The following YWHAB variants were observed in gnomAD, a reference collection of about 807,000 sequenced individuals.
YWHAB encodes tyrosine 3-monooxygenase/tryptophan 5-monooxygenase activation protein beta.
A neutral mutation model predicts 28.5 loss-of-function variants in YWHAB; 2 were observed. The observed-to-expected ratio is 0.07, with a 90% confidence interval of 0.03 to 0.22. YWHAB has a LOEUF of 0.22. Among genes scored for constraint, YWHAB ranks in the 10% least tolerant of loss-of-function variants. The pLI is 1.00. For missense variants in YWHAB, 148 were observed against 297.1 expected (o/e 0.50, Z 3.69); for synonymous variants, 103 against 104.7 (o/e 0.98, Z 0.10).
chr20:44,900,321 G>T (rs6031858), intron 1 of YWHAB, among the ~76,000 whole-genome samples: 43,285 of 152,024 alleles, frequency 0.28, 6,502 homozygotes, highest in Middle Eastern at 0.38. Context: ...ATCCAGCCCT[G>T]GGTAGTGTTC....
chr20:44,886,359 G>A (rs1011220382), intron 1 of YWHAB: 4 of 152,318 alleles, frequency 2.6e-5, no homozygotes, highest in Non-Finnish European at 5.9e-5. Flanking sequence ...CCTCCTGGAT[G>A]AGTAAGGGGT....
intron 1 of YWHAB, among the ~76,000 whole-genome samples, chr20:44,899,355 C>T (rs1319663568): frequency 6.6e-6 from 1 of 152,010 alleles, no homozygotes; most frequent in Non-Finnish European, 1.5e-5. Context: ...TGGCACGTGC[C>T]TGTAATCCCA....
chr20:44,894,192 T>C (rs967229116), intron 1 of YWHAB, among the ~76,000 whole-genome samples: 6 of 152,200 alleles, frequency 3.9e-5, no homozygotes, highest in Non-Finnish European at 5.9e-5. Flanking sequence ...AGCACGTCAG[T>C]CTCTTCCTGA....
At position 44,906,607 on chromosome 20, in the gene YWHAB, T is replaced by C; in HGVS notation, c.*169T>C. 2.1e-6 allele frequency: 1 copy of C among 484,354 alleles called. No homozygotes were observed. The allele number at this position is 484,354 out of a possible 1,614,324, so 30.0% of individuals were successfully genotyped here. On this transcript the variant is annotated 3_prime_UTR_variant, in exon 6 of 6. Transcript: ENST00000353703. ...TCATGGGATAAACAGCTGGTATTTG[T>C]ATCTAAAACTCAGATTGGTCACATA...
intron 1 of YWHAB, among the ~76,000 whole-genome samples, chr20:44,900,763 C>T (rs1386813402): frequency 6.6e-6 from 1 of 152,034 alleles, no homozygotes; most frequent in East Asian, 1.9e-4. Flanking sequence ...AAGTCAAGGA[C>T]ATATATATAG....
intron 1 of YWHAB, 61 bp from the exon 2 acceptor site, chr20:44,901,470 A>C: frequency 6.7e-7 from 1 of 1,495,024 alleles, no homozygotes; most frequent in Non-Finnish European, 9.0e-7. Flanking sequence ...AGATTCACAC[A>C]CGTTTCCTAG....
intron 1 of YWHAB, among the ~76,000 whole-genome samples, chr20:44,888,854 A>G (rs1412982295): frequency 2.0e-5 from 3 of 152,152 alleles, no homozygotes; most frequent in African/African-American, 7.2e-5. Flanking sequence ...GTGACCATTA[A>G]TTTTTGTTTA....
intron 1 of YWHAB, 156 bp downstream of exon 1, chr20:44,886,042 C>T (rs2066524605): frequency 6.6e-6 from 1 of 152,390 alleles, no homozygotes; most frequent in East Asian, 1.9e-4. Context: ...CGAGGCCAGA[C>T]CTCGCAGCGG....
intron 1 of YWHAB, among the ~76,000 whole-genome samples, chr20:44,888,940 G>A (rs992138482): frequency 2.0e-5 from 3 of 152,148 alleles, no homozygotes; most frequent in East Asian, 1.9e-4. Context: ...ATATATCTAC[G>A]TAAATAGAGA....
At position 44,906,081 on chromosome 20, in the gene YWHAB, T is replaced by C; in HGVS notation, c.669T>C (p.Leu223=). 6.2e-7 allele frequency: 1 copy of C among 1,613,442 alleles called. No homozygotes were observed. The highest frequency in any genetic ancestry group is 8.5e-7 in the Non-Finnish European group (1 of 1,179,508). ...YKDSTLIMQL[L]RDNLTLWTSE... ...ACAGCACTCTGATCATGCAGTTACT[T>C]AGGGACAATCTCACTGTAAGTACTA... Residue 223 remains leucine, a synonymous_variant, in exon 5 of 6, where the codon CTT becomes CTC. Transcript: ENST00000353703.
intron 1 of YWHAB, among the ~76,000 whole-genome samples, chr20:44,894,065 G>A (rs1568929784): frequency 6.6e-6 from 1 of 152,046 alleles, no homozygotes; most frequent in Non-Finnish European, 1.5e-5. Flanking sequence ...TTTTCACTAA[G>A]CAATCTCTGC....
chr20:44,892,106 C>A (rs1279571383), intron 1 of YWHAB, among the ~76,000 whole-genome samples: 1 of 152,216 alleles, frequency 6.6e-6, no homozygotes, highest in East Asian at 1.9e-4. Flanking sequence ...ACTAAAACTT[C>A]TGCTGTACAG....
In YWHAB at chr20:44,908,325, C is replaced by T. The variant is rs545470627; in HGVS notation, c.*1887C>T. 6.6e-6 allele frequency: 1 copy of T among 152,648 alleles called. No homozygotes were observed. The highest frequency in any genetic ancestry group is 2.1e-4 in the South Asian group (1 of 4,828). 9.5% of individuals were successfully genotyped at this position (152,648 alleles called of 1,614,324 possible). On this transcript the variant is annotated 3_prime_UTR_variant, in exon 6 of 6. Transcript: ENST00000353703. ...TTTTTCTTACCAGTATTCTGCCTAA[C>T]GTTTGCTTCTGTGATGGTTATATTG...
intron 1 of YWHAB, among the ~76,000 whole-genome samples, chr20:44,893,595 C>G (rs1361924086): frequency 6.6e-6 from 1 of 151,920 alleles, no homozygotes; most frequent in African/African-American, 2.4e-5. Context: ...CCTCGTCCCT[C>G]CAGCCCCCAT....
intron 1 of YWHAB, among the ~76,000 whole-genome samples, chr20:44,892,106 CT>C (rs1218671817): frequency 1.3e-5 from 2 of 152,216 alleles, no homozygotes; most frequent in Non-Finnish European, 2.9e-5. Flanking sequence ...ACTAAAACTT[CT>C]GCTGTACAGT....
chr20:44,905,973 A>T, intron 4 of YWHAB, 28 bp from the exon 5 acceptor site: 1 of 1,591,804 alleles, frequency 6.3e-7, no homozygotes, highest in South Asian at 1.1e-5. Flanking sequence ...GAACTTGTGA[A>T]TTCTTTGCTA....
In YWHAB at chr20:44,901,677, T is replaced by G. The variant is rs756684264; in HGVS notation, c.144T>G (p.Val48=). Residue 48 remains valine (V), a synonymous_variant, in exon 2 of 6, where the codon GTT becomes GTG. Transcript: ENST00000353703. ...LSNEERNLLS[V]AYKNVVGARR... ...ACGAAGAGAGAAATCTGCTCTCTGT[T>G]GCCTACAAGAATGTGGTAGGCGCCC... 6.2e-7 allele frequency: 1 copy of G among 1,613,744 alleles called. No homozygotes were observed. Among genetic ancestry groups the G allele is most frequent in the South Asian group, 1.1e-5 (1 of 91,062 alleles).
At chr20:44,890,500 CTTTTTTTT>C (rs35619333) in intron 1 of YWHAB, among the ~76,000 whole-genome samples, 9 of 86,390 alleles carry the variant, frequency 1.0e-4, no homozygotes, top group South Asian at 4.7e-4. Context: ...TGGATTCCTA[CTTTTTTTT>C]TTTTTTTTTT....
chr20:44,889,123 A>T (rs778530906), intron 1 of YWHAB, among the ~76,000 whole-genome samples: 17 of 152,196 alleles, frequency 1.1e-4, no homozygotes, highest in Non-Finnish European at 2.5e-4. Flanking sequence ...TTCACTAGTT[A>T]AGGGGCAAGA....
Sources: gnomAD v4.1 joint callset for allele counts (sites outside exome capture counted in the v4.1 genomes callset) on GRCh38, gnomAD v4.1.1 for gene constraint, MANE v1.5 for transcripts, NCBI Gene and HGNC (gene_info 2026-07-23, HGNC 2026-07-21) for gene names.